The following TRDN variants were observed in gnomAD, a reference collection of about 807,000 sequenced individuals.
The protein encoded by TRDN is triadin in skeletal muscle.
TRDN carries 161 observed loss-of-function variants against 149.7 expected under a neutral mutation model. The ratio of observed to expected loss-of-function variants is 1.08; its 90% CI spans 0.95 to 1.23. The LOEUF (loss-of-function observed/expected upper bound fraction) is 1.23. TRDN is among the 50% of genes most tolerant of loss of function. The probability of loss-of-function intolerance (pLI) is 0.00; values close to 1 mark genes in which losing one functional copy is unlikely to be tolerated. For synonymous variants in TRDN, 294 were observed against 250.5 expected (o/e 1.17, Z -1.64); for missense variants, 896 against 823.5 (o/e 1.09, Z -1.08).
chr6:123,565,213 G>A (rs1782218059), intron 2 of TRDN, among the ~76,000 whole-genome samples: 1 of 152,150 alleles, frequency 6.6e-6, no homozygotes, highest in African/African-American at 2.4e-5. Context: ...CTGAGAGGGA[G>A]GTCTTTCTGG....
chr6:123,578,210 T>C (rs996946870), intron 1 of TRDN, among the ~76,000 whole-genome samples: 2 of 152,232 alleles, frequency 1.3e-5, no homozygotes, highest in Middle Eastern at 3.4e-3. Flanking sequence ...CTTTGCCCAT[T>C]CCTATGTCCA....
intron 10 of TRDN, among the ~76,000 whole-genome samples, chr6:123,461,864 T>C (rs1776467204): frequency 6.6e-6 from 1 of 152,182 alleles, no homozygotes; most frequent in Admixed American, 6.5e-5. Context: ...AAACCTCACA[T>C]AAGTCAGCCC....
chr6:123,257,838 G>A (rs1409841893), intron 35 of TRDN, among the ~76,000 whole-genome samples: 1 of 152,130 alleles, frequency 6.6e-6, no homozygotes, highest in African/African-American at 2.4e-5. Context: ...TTTCATTGAA[G>A]AGGTCCTTCA....
intron 38 of TRDN, among the ~76,000 whole-genome samples, chr6:123,228,678 G>A (rs888876236): frequency 1.3e-5 from 2 of 151,846 alleles, no homozygotes; most frequent in Non-Finnish European, 2.9e-5. Flanking sequence ...TTTGGGTGGG[G>A]ACACAGCCAA....
chr6:123,432,622 A>G (rs1285402073), intron 12 of TRDN, among the ~76,000 whole-genome samples: 1 of 152,042 alleles, frequency 6.6e-6, no homozygotes, highest in Non-Finnish European at 1.5e-5. Context: ...TACTCCTCCT[A>G]CAGCCGTAAT....
chr6:123,504,427 A>G (rs1778828456), intron 7 of TRDN, among the ~76,000 whole-genome samples: 1 of 152,160 alleles, frequency 6.6e-6, no homozygotes, highest in Admixed American at 6.6e-5. Flanking sequence ...AAATTATCGC[A>G]TTGGTGTTGA....
Position 123,316,306 on chromosome 6 carries a change from T to C in TRDN, c.1510+151A>G, listed in dbSNP as rs1466212880. 7 of 739,882 alleles carry C rather than the reference T, an allele frequency of 9.5e-6. No homozygotes were observed. The East Asian group carries it at 1.7e-4, about 18-fold the overall frequency. The allele number at this position is 739,882 out of a possible 1,614,324, so 45.8% of individuals were successfully genotyped here. A position where few individuals can be genotyped will look rare whatever the true frequency, so the allele number is the denominator to read the frequency against. ...ACATTTAGTTTTATTGCTTATTACTTGTAAAATATATGGCACATAGCATCA... is the reference window on the plus strand; with the variant it reads ...ACATTTAGTTTTATTGCTTATTACTCGTAAAATATATGGCACATAGCATCA... On this transcript the variant is annotated intron_variant, in intron 24 of 40. Transcript: ENST00000334268.
intron 21 of TRDN, among the ~76,000 whole-genome samples, chr6:123,347,428 A>G (rs913370124): frequency 6.6e-6 from 1 of 151,952 alleles, no homozygotes; most frequent in Admixed American, 6.6e-5. Flanking sequence ...GTGTGCCATT[A>G]TTACTAATTC....
chr6:123,462,300 T>G (rs1776495541), intron 10 of TRDN: 1 of 152,126 alleles, frequency 6.6e-6, no homozygotes, highest in Non-Finnish European at 1.5e-5. Flanking sequence ...CAAGACCAAT[T>G]TCAAGGCACT....
chr6:123,376,590 A>G (rs920599478), intron 18 of TRDN, among the ~76,000 whole-genome samples: 1 of 152,172 alleles, frequency 6.6e-6, no homozygotes, highest in African/African-American at 2.4e-5. Context: ...AAAAGATAAT[A>G]CGATTTTAAC....
At chr6:123,291,004 A>G (rs935239329) in intron 24 of TRDN, among the ~76,000 whole-genome samples, 4 of 152,042 alleles carry the variant, frequency 2.6e-5, no homozygotes, top group Admixed American at 6.6e-5. Context: ...TAAAAATACA[A>G]AAATTAGCCA....
chr6:123,242,433 G>T (rs1776023884), intron 38 of TRDN, among the ~76,000 whole-genome samples: 1 of 151,888 alleles, frequency 6.6e-6, no homozygotes, highest in South Asian at 2.1e-4. Flanking sequence ...TCCATGAGAA[G>T]CACATTATTT....
At chr6:123,565,384 G>C (rs1195131666) in intron 2 of TRDN, among the ~76,000 whole-genome samples, 2 of 152,134 alleles carry the variant, frequency 1.3e-5, no homozygotes, top group African/African-American at 4.8e-5. Context: ...GTGGATAACA[G>C]AGCGATCATA....
At chr6:123,234,330 T>C (rs1775710671) in intron 38 of TRDN, among the ~76,000 whole-genome samples, 1 of 152,136 alleles carries the variant, frequency 6.6e-6, no homozygotes, top group Non-Finnish European at 1.5e-5. Context: ...TATGTATAGG[T>C]ATGTGTATAT....
intron 1 of TRDN, among the ~76,000 whole-genome samples, chr6:123,624,350 G>A (rs1785543647): frequency 6.6e-6 from 1 of 152,044 alleles, no homozygotes; most frequent in Non-Finnish European, 1.5e-5. Context: ...AAATCCTGAG[G>A]GACTGGGCAG....
At chr6:123,437,096 T>A (rs1401802591) in intron 12 of TRDN, among the ~76,000 whole-genome samples, 2 of 151,932 alleles carry the variant, frequency 1.3e-5, no homozygotes, top group Admixed American at 6.6e-5. Context: ...AGAACAAAAT[T>A]TAAAGCAAAA....
chr6:123,469,983 A>G (rs887772201), intron 9 of TRDN: 1 of 152,196 alleles, frequency 6.6e-6, no homozygotes, highest in African/African-American at 2.4e-5. Context: ...GCAAAGGCTT[A>G]ACGACAAAGG....
At chr6:123,483,522 TAAC>T (rs1324372632) in intron 9 of TRDN, among the ~76,000 whole-genome samples, 1 of 152,152 alleles carries the variant, frequency 6.6e-6, no homozygotes, top group African/African-American at 2.4e-5. Flanking sequence ...CAATTAATAA[TAAC>T]AACCACAATA....
At position 123,265,327 on chromosome 6, in the gene TRDN, G is replaced by A; in HGVS notation, c.1795C>T (p.Pro599Ser). 7.0e-7 allele frequency: 1 copy of A among 1,420,230 alleles called. No individual in the cohort carries two copies. The highest frequency in any genetic ancestry group is 2.8e-5 in the Admixed American group (1 of 36,190). The allele number at this position is 1,420,230 out of a possible 1,614,324, so 88.0% of individuals were successfully genotyped here. A position where few individuals can be genotyped will look rare whatever the true frequency, so the allele number is the denominator to read the frequency against. ...AAAATGGTACACTTACTTGGAGTTG[G>A]TTTTGGTTTGTCTAAAAAGGAAAAA... is the stretch of plus-strand genomic sequence containing the variant. ...PPSIKTDKPK[P>S]TPKGTSEVTE... Residue 599 changes from proline to serine, a missense_variant, in exon 33 of 41, where the codon CCA (proline) becomes TCA (serine). Physicochemically the swap from Pro to Ser is moderately conservative, Grantham distance 74 (BLOSUM62 -1). Transcript: ENST00000334268.
Sources: allele counts gnomAD v4.1 joint callset (sites outside exome capture counted in the v4.1 genomes callset), GRCh38; gene constraint gnomAD v4.1.1; transcripts MANE v1.5; gene names NCBI Gene and HGNC (gene_info 2026-07-23, HGNC 2026-07-21).